TRDN: variants seen among roughly 807,000 people sequenced by gnomAD.
The protein encoded by TRDN is triadin in skeletal muscle.
In TRDN, 161 loss-of-function variants were observed where a neutral mutation model predicts 149.7. That is an observed-to-expected ratio of 1.08 (90% CI 0.95 to 1.23). The LOEUF (loss-of-function observed/expected upper bound fraction) is 1.23. Among genes scored for constraint, TRDN ranks in the 50% most tolerant of loss-of-function variants. The pLI is 0.00. For synonymous variants in TRDN, 294 were observed against 250.5 expected (o/e 1.17, Z -1.64); for missense variants, 896 against 823.5 (o/e 1.09, Z -1.08).
chr6:123,389,554 T>C (rs1216768790), intron 13 of TRDN: 2 of 152,092 alleles, frequency 1.3e-5, no homozygotes, highest in Non-Finnish European at 2.9e-5. Flanking sequence ...CTCTGAAACA[T>C]TAAAATAATT....
chr6:123,327,935 A>C (rs142199566), intron 23 of TRDN, among the ~76,000 whole-genome samples: 1 of 152,318 alleles, frequency 6.6e-6, no homozygotes, highest in Non-Finnish European at 1.5e-5. Flanking sequence ...AAATGCATAT[A>C]TGTGATCATA....
rs151044445 is a variant in TRDN at position 123,383,723 on chromosome 6, T to C, written c.1136-1576A>G. On this transcript the variant is annotated intron_variant, in intron 14 of 40. Coordinates refer to ENST00000334268, the MANE Select transcript of TRDN (RefSeq NM_006073.4). ...GACTTTATGTGTGCATGTGAGTGTG[T>C]ATGAAGAAAGATTAGAAGAAAATAT... 5.0e-3 allele frequency among the ~76,000 whole-genome samples: 765 copies of C among 152,236 alleles called. 7 individuals carry two copies. Among genetic ancestry groups the C allele is most frequent in the Middle Eastern group, 0.017 (5 of 294 alleles).
chr6:123,389,170 A>G (rs1782015575), intron 13 of TRDN, among the ~76,000 whole-genome samples: 1 of 152,158 alleles, frequency 6.6e-6, no homozygotes, highest in Non-Finnish European at 1.5e-5. Flanking sequence ...CCATGAATCT[A>G]AATCTGGATC....
rs770409748 is a variant in TRDN, at chr6:123,255,127, T to C, written c.1907-2A>G. On this transcript the variant is annotated splice_acceptor_variant, in intron 36 of 40. Coordinates refer to ENST00000334268, the MANE Select transcript of TRDN (RefSeq NM_006073.4). LOFTEE classifies it high-confidence loss of function. ...GAAGACTTTCTTTTCTTGTTGAGACTGTTAATAAGGAAAATGTAAATTAAA... is the reference window on the plus strand; with the variant it reads ...GAAGACTTTCTTTTCTTGTTGAGACCGTTAATAAGGAAAATGTAAATTAAA... The C allele has an allele frequency of 7.7e-7, 1 of 1,301,522 alleles. No homozygotes were observed. The highest frequency in any genetic ancestry group is 1.0e-6 in the Non-Finnish European group (1 of 957,640). 80.6% of individuals were successfully genotyped at this position (1,301,522 alleles called of 1,614,324 possible). A position where few individuals can be genotyped will look rare whatever the true frequency, so the allele number is the denominator to read the frequency against.
At position 123,315,127 on chromosome 6, in the gene TRDN, G is replaced by C. The variant is rs1193687642; in HGVS notation, c.1510+1330C>G. On this transcript the variant is annotated intron_variant, in intron 24 of 40. Coordinates refer to ENST00000334268, the MANE Select transcript of TRDN (RefSeq NM_006073.4). ...AGTAAAATAAAGCATAAAATACAAT[G>C]TTATGCAAAGAGGAAAGGACAACAT... 3.3e-5 allele frequency among the ~76,000 whole-genome samples: 5 copies of C among 151,914 alleles called. No individual in the cohort carries two copies. In the East Asian group the frequency reaches 9.7e-4, roughly 29 times the overall value.
chr6:123,371,501 T>C lies in TRDN; in HGVS notation c.1273+4104A>G, dbSNP rs116055459. Among the ~76,000 whole-genome samples, 1,091 of 152,298 alleles carry C rather than the reference T, an allele frequency of 7.2e-3. 16 individuals are homozygous for C. Among genetic ancestry groups the C allele is most frequent in the African/African-American group, 0.025 (1,049 of 41,566 alleles). On this transcript the variant is annotated intron_variant, in intron 19 of 40. Transcript: ENST00000334268. ...ACACTTAGGACACATAGTCCTGATC[T>C]CAATAGCCATGCTTTATAGTGCCAT... is the stretch of plus-strand genomic sequence containing the variant.
At chr6:123,338,807 G>A (rs1356799100) in intron 21 of TRDN, among the ~76,000 whole-genome samples, 5 of 152,110 alleles carry the variant, frequency 3.3e-5, no homozygotes, top group African/African-American at 9.7e-5. Flanking sequence ...AATCAACAAA[G>A]AGCAAAATAT....
intron 13 of TRDN, among the ~76,000 whole-genome samples, chr6:123,390,908 G>C (rs17686712): frequency 0.054 from 8,179 of 152,064 alleles, 277 homozygotes; most frequent in Middle Eastern, 0.078. Flanking sequence ...GATTCTTAAT[G>C]TTTGCTTCAG....
In TRDN at chr6:123,433,945, C is replaced by T. The variant is rs865939835; in HGVS notation, c.1051+4118G>A. On this transcript the variant is annotated intron_variant, in intron 12 of 40. Transcript: ENST00000334268. ...TTATAATCTAATCAAGTAGGTGAAA[C>T]GTTATTTCTTCAAAAATATCACCTT... is the stretch of plus-strand genomic sequence containing the variant. 7.2e-5 allele frequency: 11 copies of T among 152,166 alleles called. 1 individual carries two copies. Among genetic ancestry groups the T allele is most frequent in the Middle Eastern group, 3.4e-3 (1 of 294 alleles). The allele number at this position is 152,166 out of a possible 1,614,324, so 9.4% of individuals were successfully genotyped here.
At chr6:123,301,802 T>TA (rs1778439658) in intron 24 of TRDN, among the ~76,000 whole-genome samples, 1 of 143,502 alleles carries the variant, frequency 7.0e-6, no homozygotes, top group African/African-American at 2.6e-5. Flanking sequence ...AATGAAAATA[T>TA]CTGGTGGTTA....
chr6:123,383,959 G>GA (rs1279851611), intron 14 of TRDN, among the ~76,000 whole-genome samples: 1 of 152,082 alleles, frequency 6.6e-6, no homozygotes, highest in Non-Finnish European at 1.5e-5. Flanking sequence ...ACACTACAAT[G>GA]AAAATAATTT....
At chr6:123,397,466 C>G (rs1454986685) in intron 12 of TRDN, among the ~76,000 whole-genome samples, 2 of 152,124 alleles carry the variant, frequency 1.3e-5, no homozygotes, top group Non-Finnish European at 2.9e-5. Context: ...ACTTATTCAA[C>G]TTTATAACTC....
chr6:123,273,025 A>G lies in TRDN; in HGVS notation c.1625-14T>C, dbSNP rs1374272977. On this transcript the variant is annotated splice_polypyrimidine_tract_variant and intron_variant, in intron 28 of 40. Coordinates refer to ENST00000334268, the MANE Select transcript of TRDN (RefSeq NM_006073.4). ...CTATGTCTTGTTCTGAAAATAATAA[A>G]AAGAAAATCTTTTTTAGGTATTTAG... The G allele has an allele frequency of 6.8e-7, 1 of 1,480,672 alleles. No individual in the cohort carries two copies. Among genetic ancestry groups the G allele is most frequent in the Non-Finnish European group, 9.0e-7 (1 of 1,113,368 alleles). 91.7% of individuals were successfully genotyped at this position (1,480,672 alleles called of 1,614,324 possible). A position where few individuals can be genotyped will look rare whatever the true frequency, so the allele number is the denominator to read the frequency against.
intron 38 of TRDN, among the ~76,000 whole-genome samples, chr6:123,239,287 G>A (rs1775902203): frequency 6.6e-6 from 1 of 152,076 alleles, no homozygotes; most frequent in African/African-American, 2.4e-5. Flanking sequence ...AAACTACAGG[G>A]ATAAACTGAT....
At chr6:123,421,311 C>CTACTA (rs1773888828) in intron 12 of TRDN, among the ~76,000 whole-genome samples, 1 of 152,138 alleles carries the variant, frequency 6.6e-6, no homozygotes. Context: ...TACTATTTCT[C>CTACTA]TTGGTCTCTT....
chr6:123,521,479 C>T lies in TRDN; in HGVS notation c.485-5273G>A, dbSNP rs528710673. Among the ~76,000 whole-genome samples the T allele has an allele frequency of 1.2e-4, 18 of 152,180 alleles. No homozygotes were observed. In the South Asian group the frequency reaches 3.5e-3, roughly 30 times the overall value. On this transcript the variant is annotated intron_variant, in intron 5 of 40. Transcript: ENST00000334268. ...GGCAGGAATTGGAGAACTTCATCTA[C>T]AAGGCCCCAAAGCTTGCCCGCAAAC...
At chr6:123,529,417 T>C (rs1306813429) in intron 5 of TRDN, 10 of 1,424,486 alleles carry the variant, frequency 7.0e-6, no homozygotes, top group South Asian at 3.7e-5. Flanking sequence ...TGTTGAAGAA[T>C]TGGCTGACCA....
intron 10 of TRDN, chr6:123,445,307 A>G (rs1419200810): frequency 6.6e-6 from 1 of 150,686 alleles, no homozygotes; most frequent in Non-Finnish European, 1.5e-5. Flanking sequence ...AGGCATTACC[A>G]TTCAGGACAT....
At chr6:123,489,662 A>G (rs552259869) in intron 9 of TRDN, 2 of 152,184 alleles carry the variant, frequency 1.3e-5, no homozygotes, top group African/African-American at 2.4e-5. Context: ...AGCATTTTCT[A>G]TTTCATCAAC....
Sources: allele counts gnomAD v4.1 joint callset (sites outside exome capture counted in the v4.1 genomes callset), GRCh38; gene constraint gnomAD v4.1.1; transcripts MANE v1.5; gene names NCBI Gene and HGNC (gene_info 2026-07-23, HGNC 2026-07-21).